Variants in SLC25A21 observed in about 807,000 individuals in gnomAD.
SLC25A21 encodes solute carrier family 25 member 21.
A neutral mutation model predicts 43.8 loss-of-function variants in SLC25A21; 47 were observed. That is an observed-to-expected ratio of 1.07 (90% CI 0.85 to 1.37). SLC25A21 has a LOEUF of 1.37. Among genes scored for constraint, SLC25A21 ranks in the 40% most tolerant of loss-of-function variants. The pLI is 0.00. For synonymous variants in SLC25A21, 131 were observed against 121.3 expected (o/e 1.08, Z -0.52); for missense variants, 352 against 350.2 (o/e 1.00, Z -0.04).
chr14:36,740,730 T>C (rs968235745), intron 3 of SLC25A21, among the ~76,000 whole-genome samples: 3 of 150,542 alleles, frequency 2.0e-5, no homozygotes, highest in Admixed American at 6.7e-5. Flanking sequence ...CAAGGAAATG[T>C]GAAATTTCCT....
intron 1 of SLC25A21, among the ~76,000 whole-genome samples, chr14:37,080,307 T>G (rs1281196061): frequency 6.6e-6 from 1 of 152,176 alleles, no homozygotes; most frequent in Non-Finnish European, 1.5e-5. Flanking sequence ...TATTAACCAC[T>G]CACGGCCAAG....
chr14:37,068,320 A>C (rs1324771759), intron 1 of SLC25A21, among the ~76,000 whole-genome samples: 1 of 152,222 alleles, frequency 6.6e-6, no homozygotes, highest in African/African-American at 2.4e-5. Flanking sequence ...CTCTGACACC[A>C]GGTTCTCTGT....
intron 1 of SLC25A21, among the ~76,000 whole-genome samples, chr14:37,114,387 T>C (rs1475449555): frequency 6.6e-6 from 1 of 152,172 alleles, no homozygotes; most frequent in African/African-American, 2.4e-5. Flanking sequence ...ACTAGACATA[T>C]TTAAGAGATG....
At chr14:36,811,629 G>A (rs553523246) in intron 3 of SLC25A21, among the ~76,000 whole-genome samples, 49 of 152,172 alleles carry the variant, frequency 3.2e-4, no homozygotes, top group African/African-American at 6.3e-4. Flanking sequence ...TCCAGCCTGC[G>A]TAACAGAGTG....
chr14:37,150,952 T>C (rs1477456187), intron 1 of SLC25A21, among the ~76,000 whole-genome samples: 1 of 152,148 alleles, frequency 6.6e-6, no homozygotes, highest in Non-Finnish European at 1.5e-5. Flanking sequence ...TGTATTATTC[T>C]GATTTGGCAT....
intron 1 of SLC25A21, among the ~76,000 whole-genome samples, chr14:37,161,880 G>A (rs975316580): frequency 2.0e-5 from 3 of 148,322 alleles, no homozygotes; most frequent in South Asian, 4.3e-4. Context: ...GGAGAACGGC[G>A]TGAACCCGGG....
chr14:37,037,611 T>C (rs781558047), intron 1 of SLC25A21, among the ~76,000 whole-genome samples: 7 of 152,126 alleles, frequency 4.6e-5, no homozygotes, highest in Non-Finnish European at 1.0e-4. Context: ...CAAACTTCAG[T>C]GGTGAATTTG....
At chr14:36,945,854 G>T (rs138754548) in intron 1 of SLC25A21, among the ~76,000 whole-genome samples, 1 of 152,076 alleles carries the variant, frequency 6.6e-6, no homozygotes. Flanking sequence ...CTTAAAAATG[G>T]TTAAGATGGT....
intron 7 of SLC25A21, among the ~76,000 whole-genome samples, chr14:36,705,228 G>A (rs1883473338): frequency 6.6e-6 from 1 of 150,738 alleles, no homozygotes; most frequent in African/African-American, 2.5e-5. Flanking sequence ...TGTATTTTTA[G>A]TAGAGACAGG....
intron 2 of SLC25A21, among the ~76,000 whole-genome samples, chr14:36,872,733 T>C (rs997250715): frequency 6.6e-6 from 1 of 152,260 alleles, no homozygotes; most frequent in Non-Finnish European, 1.5e-5. Flanking sequence ...GTCATGTGAC[T>C]AACTCTAATG....
chr14:36,702,890 G>A lies in SLC25A21; in HGVS notation c.603+8428C>T, dbSNP rs1261443644. On this transcript the variant is annotated intron_variant, in intron 7 of 9. Coordinates refer to ENST00000331299, the MANE Select transcript of SLC25A21 (RefSeq NM_030631.4). Reference sequence around the variant, plus strand: ...TATTTAAGGAAGTATTTGAACCCCTGGCTCTCTGCTCTCTGCCCTCTCCCA... The same window carrying A: ...TATTTAAGGAAGTATTTGAACCCCTAGCTCTCTGCTCTCTGCCCTCTCCCA... Among the ~76,000 whole-genome samples the A allele has an allele frequency of 2.0e-5, 3 of 152,066 alleles. No individual in the cohort carries two copies. In the East Asian group the frequency reaches 5.8e-4, roughly 29 times the overall value.
At chr14:36,959,499 C>T (rs1959433707) in intron 1 of SLC25A21, among the ~76,000 whole-genome samples, 1 of 152,056 alleles carries the variant, frequency 6.6e-6, no homozygotes, top group Non-Finnish European at 1.5e-5. Flanking sequence ...AGTCCTTGCC[C>T]ACATTTTCCA....
rs565571843 is a variant in SLC25A21, at chr14:36,859,597, A to G, written c.119+15359T>C. Among the ~76,000 whole-genome samples, 49 of 152,318 alleles carry G rather than the reference A, an allele frequency of 3.2e-4. 1 individual carries two copies. Among genetic ancestry groups the G allele is most frequent in the African/African-American group, 1.0e-3 (43 of 41,578 alleles). On this transcript the variant is annotated intron_variant, in intron 2 of 9. Transcript: ENST00000331299. ...GGAGAGGCTCAACTATCCTGGGTTC[A>G]GATGACAGTTTGTAGGTATCAGAAT...
chr14:37,095,820 A>G (rs1950369), intron 1 of SLC25A21, among the ~76,000 whole-genome samples: 111,121 of 145,622 alleles, frequency 0.76, 45,703 homozygotes, highest in South Asian at 0.93. Flanking sequence ...ACGCGCACGC[A>G]CACACACACA....
Position 36,764,279 on chromosome 14 carries a change from T to C in SLC25A21, c.204-29706A>G, listed in dbSNP as rs1376445651. Among the ~76,000 whole-genome samples the C allele has an allele frequency of 5.9e-5, 9 of 151,738 alleles. No individual in the cohort carries two copies. In the East Asian group the frequency reaches 1.8e-3, roughly 30 times the overall value. ...GAACACTCACTCGGTCCAATAACAA[T>C]GCCACCTCTCTGAGTCACAGCCTTG... On this transcript the variant is annotated intron_variant, in intron 3 of 9. Transcript: ENST00000331299.
intron 1 of SLC25A21, among the ~76,000 whole-genome samples, chr14:37,094,736 CA>C (rs58182192): frequency 0.86 from 123,171 of 143,032 alleles, 53,617 homozygotes; most frequent in Non-Finnish European, 0.95. Flanking sequence ...TGGTGATAGC[CA>C]AAAAAAAAAA....
chr14:36,864,458 G>A lies in SLC25A21; in HGVS notation c.119+10498C>T, dbSNP rs112681586. On this transcript the variant is annotated intron_variant, in intron 2 of 9. Coordinates refer to ENST00000331299, the MANE Select transcript of SLC25A21 (RefSeq NM_030631.4). ...TACTAATGACTGCATGGAAAAGAAT[G>A]ACTTAATCAATACAGTATTGTGGTC... 1.9e-3 allele frequency among the ~76,000 whole-genome samples: 290 copies of A among 152,290 alleles called. 1 individual carries two copies. The highest frequency in any genetic ancestry group is 6.6e-3 in the African/African-American group (273 of 41,552).
intron 1 of SLC25A21, among the ~76,000 whole-genome samples, chr14:36,989,927 C>A (rs190710697): frequency 7.7e-4 from 117 of 151,976 alleles, no homozygotes; most frequent in South Asian, 5.8e-3. Flanking sequence ...AAAGAGAGAC[C>A]AAGAAAAAAA....
At chr14:37,092,960 A>T (rs1566875677) in intron 1 of SLC25A21, among the ~76,000 whole-genome samples, 1 of 151,866 alleles carries the variant, frequency 6.6e-6, no homozygotes, top group East Asian at 1.9e-4. Flanking sequence ...GAGAGAGAGA[A>T]TTCCTTGAAT....
Sources: allele counts gnomAD v4.1 joint callset (sites outside exome capture counted in the v4.1 genomes callset), GRCh38; gene constraint gnomAD v4.1.1; transcripts MANE v1.5; gene names NCBI Gene and HGNC (gene_info 2026-07-23, HGNC 2026-07-21).